The following THRB variants were observed in gnomAD, a reference collection of about 807,000 sequenced individuals.
THRB encodes the protein nuclear receptor subfamily 1 group A member 2.
In THRB, 12 loss-of-function variants were observed where a neutral mutation model predicts 47.8. The observed-to-expected ratio is 0.25, with a 90% CI of 0.16 to 0.41. THRB has a LOEUF of 0.41. Among genes scored for constraint, THRB ranks in the 10% least tolerant of loss-of-function variants. THRB has a pLI of 1.00. For synonymous variants in THRB, 218 were observed against 212.2 expected (o/e 1.03, Z -0.24); for missense variants, 348 against 589.2 (o/e 0.59, Z 4.24).
At chr3:24,375,363 T>TTATAGTTAGACATATAATATTAA (rs2065196077) in intron 1 of THRB, among the ~76,000 whole-genome samples, 1 of 145,612 alleles carries the variant, frequency 6.9e-6, no homozygotes, top group Non-Finnish European at 1.5e-5. Context: ...TATTAATATA[T>TTATAGTTAGACATATAATATTAA]TATATTTAGA....
At chr3:24,200,111 G>T (rs2044416708) in intron 4 of THRB, among the ~76,000 whole-genome samples, 1 of 152,140 alleles carries the variant, frequency 6.6e-6, no homozygotes, top group Admixed American at 6.5e-5. Context: ...TATTAGAAAA[G>T]CTACAGTGGT....
At chr3:24,454,649 A>G (rs566581326) in intron 1 of THRB, among the ~76,000 whole-genome samples, 12 of 152,340 alleles carry the variant, frequency 7.9e-5, no homozygotes, top group African/African-American at 2.9e-4. Context: ...ATAGGAGAAG[A>G]TAAGTTTTAG....
At chr3:24,213,952 T>C (rs1387443192) in intron 4 of THRB, among the ~76,000 whole-genome samples, 1 of 152,206 alleles carries the variant, frequency 6.6e-6, no homozygotes, top group African/African-American at 2.4e-5. Flanking sequence ...TGGGGGATCA[T>C]GATGATGGCA....
chr3:24,202,958 G>T (rs2044772652), intron 4 of THRB, among the ~76,000 whole-genome samples: 2 of 152,186 alleles, frequency 1.3e-5, no homozygotes, highest in South Asian at 4.1e-4. Flanking sequence ...TCTTCCTCAG[G>T]ATGGGTCAAC....
chr3:24,209,752 C>G (rs1408591972), intron 4 of THRB, among the ~76,000 whole-genome samples: 1 of 151,874 alleles, frequency 6.6e-6, no homozygotes, highest in African/African-American at 2.4e-5. Flanking sequence ...TGCAGCACAC[C>G]AAGATGGCAC....
chr3:24,281,009 C>T lies in THRB; in HGVS notation c.-43+16217G>A, dbSNP rs1194346855. 2.6e-5 allele frequency among the ~76,000 whole-genome samples: 4 copies of T among 152,184 alleles called. No individual in the cohort carries two copies. In the East Asian group the frequency reaches 7.7e-4, roughly 29 times the overall value. ...GAGAATGGAACCAAGTTGGAAAACA[C>T]TCTGCAGGATATCATCCAGGAGAAC... On this transcript the variant is annotated intron_variant, in intron 3 of 10. Coordinates refer to ENST00000646209, the MANE Select transcript of THRB (RefSeq NM_001354712.2).
At chr3:24,183,368 CT>C (rs1193344905) in intron 5 of THRB, among the ~76,000 whole-genome samples, 1,557 of 84,178 alleles carry the variant, frequency 0.018, 16 homozygotes, top group African/African-American at 0.057. Context: ...TTTTTCTTTT[CT>C]TTTTTTTTTT....
intron 4 of THRB, among the ~76,000 whole-genome samples, chr3:24,214,270 A>G (rs1283864574): frequency 6.6e-6 from 1 of 152,172 alleles, no homozygotes; most frequent in Non-Finnish European, 1.5e-5. Flanking sequence ...GGCTAGCTGG[A>G]GTCAAGATGG....
intron 3 of THRB, among the ~76,000 whole-genome samples, chr3:24,238,278 T>TGGGGGGGGG (rs67450132): frequency 3.3e-5 from 1 of 30,010 alleles, no homozygotes; most frequent in African/African-American, 8.7e-5. Flanking sequence ...TGTGTGTGTG[T>TGGGGGGGGG]GGGGGGGGGG....
intron 2 of THRB, among the ~76,000 whole-genome samples, chr3:24,320,527 A>G (rs1255313039): frequency 6.6e-6 from 1 of 152,170 alleles, no homozygotes; most frequent in Admixed American, 6.5e-5. Flanking sequence ...ATGTATGAAC[A>G]TGTTTCTGAG....
chr3:24,335,493 G>A (rs911841259), intron 2 of THRB, among the ~76,000 whole-genome samples: 2 of 152,068 alleles, frequency 1.3e-5, no homozygotes, highest in Non-Finnish European at 2.9e-5. Context: ...ACTAAATGCC[G>A]AATTTATGTT....
At chr3:24,179,573 A>T (rs77809397) in intron 5 of THRB, among the ~76,000 whole-genome samples, 2,504 of 152,322 alleles carry the variant, frequency 0.016, 87 homozygotes, top group African/African-American at 0.057. Flanking sequence ...AAAGGAATTT[A>T]TAGGTCTGCC....
intron 1 of THRB, among the ~76,000 whole-genome samples, chr3:24,411,815 T>C (rs940127551): frequency 1.3e-5 from 2 of 151,682 alleles, no homozygotes; most frequent in Non-Finnish European, 2.9e-5. Flanking sequence ...AACAGAGAAT[T>C]ATTTAACCCC....
intron 2 of THRB, among the ~76,000 whole-genome samples, chr3:24,330,704 T>C (rs1381371911): frequency 6.6e-6 from 1 of 152,190 alleles, no homozygotes; most frequent in Non-Finnish European, 1.5e-5. Flanking sequence ...GCAAGCTGCA[T>C]GGGAAGACAC....
At chr3:24,209,473 A>T (rs868614915) in intron 4 of THRB, among the ~76,000 whole-genome samples, 30 of 152,240 alleles carry the variant, frequency 2.0e-4, no homozygotes, top group Admixed American at 1.1e-3. Flanking sequence ...TGGCACATAT[A>T]CACCATGGTA....
At chr3:24,355,370 G>A (rs935105074) in intron 1 of THRB, among the ~76,000 whole-genome samples, 9 of 152,066 alleles carry the variant, frequency 5.9e-5, no homozygotes, top group Non-Finnish European at 1.0e-4. Flanking sequence ...GAGACATGAC[G>A]ACCAAATGCA....
rs35616801 is a variant in THRB at position 24,139,385 on chromosome 3, C to CTT, written c.738+4114_738+4115dup. On this transcript the variant is annotated intron_variant, in intron 8 of 10. Transcript: ENST00000646209. ...TTCTTTCTTTCTTTCTTTTTCTTTTCTTTCTTTTTTTTTTTTGAGACATGG... is the reference window on the plus strand; with the variant it reads ...TTCTTTCTTTCTTTCTTTTTCTTTTCTTTTTCTTTTTTTTTTTTGAGACATGG... 8.4e-3 allele frequency among the ~76,000 whole-genome samples: 1,204 copies of CTT among 142,636 alleles called. 21 individuals carry two copies. The highest frequency in any genetic ancestry group is 0.029 in the African/African-American group (1,118 of 38,176). 93.6% of individuals were successfully genotyped at this position (142,636 alleles called of 152,430 possible).
intron 3 of THRB, among the ~76,000 whole-genome samples, chr3:24,240,474 T>C (rs968595206): frequency 6.6e-6 from 1 of 152,192 alleles, no homozygotes; most frequent in African/African-American, 2.4e-5. Context: ...ATGCCAACCA[T>C]AGCTGAGAAG....
At chr3:24,342,976 C>G (rs1173477501) in intron 1 of THRB, among the ~76,000 whole-genome samples, 1 of 152,114 alleles carries the variant, frequency 6.6e-6, no homozygotes, top group Non-Finnish European at 1.5e-5. Context: ...AGAAACAGTG[C>G]TACAGCTTGA....
Sources: allele counts gnomAD v4.1 joint callset (sites outside exome capture counted in the v4.1 genomes callset), GRCh38; gene constraint gnomAD v4.1.1; transcripts MANE v1.5; gene names NCBI Gene and HGNC (gene_info 2026-07-23, HGNC 2026-07-21).